BLM: variants seen among roughly 807,000 people sequenced by gnomAD.
BLM encodes BLM RecQ like helicase, also known as recQ-like DNA helicase BLM.
A neutral mutation model predicts 135.3 loss-of-function variants in BLM; 95 were observed. The ratio of observed to expected loss-of-function variants is 0.70; its 90% CI spans 0.59 to 0.83. The LOEUF (loss-of-function observed/expected upper bound fraction) is 0.83. BLM is among the 40% of genes least tolerant of loss of function. The probability of loss-of-function intolerance (pLI) is 0.00; values close to 1 mark genes in which losing one functional copy is unlikely to be tolerated. For missense variants in BLM, 1,518 were observed against 1,663.9 expected (o/e 0.91, Z 1.53); for synonymous variants, 520 against 589.2 (o/e 0.88, Z 1.70).
intron 12 of BLM, among the ~76,000 whole-genome samples, chr15:90,771,647 C>A (rs1445340691): frequency 7.0e-6 from 1 of 143,172 alleles, no homozygotes; most frequent in Non-Finnish European, 1.5e-5. Flanking sequence ...TGCCATGTTA[C>A]CCAAGCTGGT....
At chr15:90,760,331 C>CT in intron 6 of BLM, 52 bp downstream of exon 6, 1 of 1,609,922 alleles carries the variant, frequency 6.2e-7, no homozygotes, top group Non-Finnish European at 8.5e-7. Context: ...TTCTACCACT[C>CT]TAAGTGAAAA....
At position 90,798,278 on chromosome 15, in the gene BLM, T is replaced by G. The variant is rs755282763; in HGVS notation, c.3299T>G (p.Ile1100Arg). 4 of 1,612,724 alleles carry G rather than the reference T, an allele frequency of 2.5e-6. No homozygotes were observed. In the Admixed American group the frequency reaches 6.7e-5, roughly 27 times the overall value. The change falls in exon 17 of 22, where the codon ATA becomes AGA. Residue 1100 changes from isoleucine (I) to arginine (R), a missense_variant. By Grantham distance (97) the Ile-to-Arg change is moderately conservative (BLOSUM62 -3). This residue lies in a region of BLM where 626 missense variants were observed against 681.1 expected (regional missense o/e 0.92). Transcript: ENST00000355112. ...EHSSSQGMRNIKHVGPSGRFT... is the reference protein window; with the variant it reads ...EHSSSQGMRNRKHVGPSGRFT... ...AGTTCATCACAAGGAATGAGAAATA[T>G]AAAACATGTAGGTCCTTCTGGAAGA...
intron 1 of BLM, among the ~76,000 whole-genome samples, chr15:90,735,823 G>A (rs1256565725): frequency 2.0e-5 from 3 of 151,722 alleles, no homozygotes; most frequent in Non-Finnish European, 4.4e-5. Flanking sequence ...TTACAAAAAT[G>A]AAAAACACCA....
chr15:90,723,607 T>A (rs531861084), intron 1 of BLM, among the ~76,000 whole-genome samples: 1 of 152,140 alleles, frequency 6.6e-6, no homozygotes. Context: ...GAACTATGAT[T>A]GTGCCACTGC....
intron 1 of BLM, among the ~76,000 whole-genome samples, chr15:90,729,896 A>G (rs1311339461): frequency 6.6e-6 from 1 of 152,140 alleles, no homozygotes; most frequent in East Asian, 1.9e-4. Flanking sequence ...CCCAGGCTGG[A>G]GTGCAGTGGC....
In BLM at chr15:90,761,795, G is replaced by A. The variant is rs61094370; in HGVS notation, c.1882+540G>A. On this transcript the variant is annotated intron_variant, in intron 7 of 21. Transcript: ENST00000355112. Reference sequence around the variant, plus strand: ...CTGCATGCCATGTGCTATGTTGGGCGCCGATCATTTAAAGATGAATAACAA... The same window carrying A: ...CTGCATGCCATGTGCTATGTTGGGCACCGATCATTTAAAGATGAATAACAA... Among the ~76,000 whole-genome samples the A allele has an allele frequency of 4.7e-3, 712 of 152,186 alleles. 5 individuals are homozygous for A. The highest frequency in any genetic ancestry group is 0.016 in the African/African-American group (684 of 41,508).
chr15:90,761,789 T>C (rs1895994953), intron 7 of BLM, among the ~76,000 whole-genome samples: 1 of 152,184 alleles, frequency 6.6e-6, no homozygotes, highest in Non-Finnish European at 1.5e-5. Context: ...ATGTGCTATG[T>C]TGGGCGCCGA....
intron 1 of BLM, among the ~76,000 whole-genome samples, chr15:90,728,043 C>A (rs924052536): frequency 2.0e-5 from 3 of 152,144 alleles, no homozygotes; most frequent in African/African-American, 7.2e-5. Context: ...TTTCAATTTT[C>A]TTTTCTTTTT....
intron 19 of BLM, chr15:90,808,928 G>C: frequency 1.5e-6 from 1 of 645,330 alleles, no homozygotes; most frequent in Non-Finnish European, 2.7e-6. Context: ...GGCCTATGCC[G>C]CTGGAATTGG....
At chr15:90,805,783 A>AG (rs1897273623) in intron 19 of BLM, among the ~76,000 whole-genome samples, 1 of 151,364 alleles carries the variant, frequency 6.6e-6, no homozygotes, top group Non-Finnish European at 1.5e-5. Context: ...CCCCTGCCTC[A>AG]GCCTCCCAAA....
At position 90,790,763 on chromosome 15, in the gene BLM, G is replaced by C. The variant is rs1041847799; in HGVS notation, c.2938G>C (p.Ala980Pro). ...VEGYYQESGR[A>P]GRDGEISHCL... is the part of the protein sequence containing the mutation. Reference sequence around the variant, plus strand: ...GGGTTACTACCAAGAATCTGGCAGAGCTGGAAGAGATGGGGAAATATCTCA... The same window carrying C: ...GGGTTACTACCAAGAATCTGGCAGACCTGGAAGAGATGGGGAAATATCTCA... The change falls in exon 15 of 22, where the codon GCT becomes CCT. Residue 980 changes from alanine to proline, a missense_variant. This residue lies in a region of BLM where 626 missense variants were observed against 681.1 expected (regional missense o/e 0.92). Transcript: ENST00000355112. The C allele has an allele frequency of 6.2e-7, 1 of 1,614,136 alleles. No homozygotes were observed. Among genetic ancestry groups the C allele is most frequent in the Admixed American group, 1.7e-5 (1 of 60,018 alleles).
intron 17 of BLM, among the ~76,000 whole-genome samples, chr15:90,798,633 G>T (rs1897089635): frequency 6.7e-6 from 1 of 149,220 alleles, no homozygotes; most frequent in Non-Finnish European, 1.5e-5. Context: ...ATGAGGATTA[G>T]ACCCATAACA....
chr15:90,798,436 T>TA, intron 17 of BLM, 99 bp downstream of exon 17: 1 of 1,303,564 alleles, frequency 7.7e-7, no homozygotes, highest in Non-Finnish European at 1.1e-6. Flanking sequence ...TCTATTTTCT[T>TA]ATAAAACTTG....
At chr15:90,724,477 TG>T (rs977516722) in intron 1 of BLM, among the ~76,000 whole-genome samples, 2 of 152,304 alleles carry the variant, frequency 1.3e-5, no homozygotes, top group African/African-American at 4.8e-5. Context: ...TAGCAGACAC[TG>T]GGTGTCCTAC....
intron 5 of BLM, among the ~76,000 whole-genome samples, chr15:90,757,896 CTTT>C (rs373823979): frequency 6.9e-6 from 1 of 143,986 alleles, no homozygotes. Context: ...TTTTTTTCAT[CTTT>C]TTTTTTTTTT....
chr15:90,776,685 C>A (rs1221640817), intron 12 of BLM, among the ~76,000 whole-genome samples: 1 of 152,050 alleles, frequency 6.6e-6, no homozygotes, highest in Non-Finnish European at 1.5e-5. Context: ...CCATGCCTGG[C>A]TAATTTTTAT....
At chr15:90,786,822 C>G (rs565439098) in intron 14 of BLM, among the ~76,000 whole-genome samples, 35 of 152,036 alleles carry the variant, frequency 2.3e-4, no homozygotes, top group Non-Finnish European at 4.6e-4. Flanking sequence ...ACCATATTGG[C>G]CAGGCTGGTC....
At position 90,815,370 on chromosome 15, in the gene BLM, T is replaced by C; in HGVS notation, c.*91T>C. On this transcript the variant is annotated 3_prime_UTR_variant, in exon 22 of 22. Coordinates refer to ENST00000355112, the MANE Select transcript of BLM (RefSeq NM_000057.4). The surrounding 1 kb of genome is among the most constrained non-coding windows in gnomAD (Gnocchi z 4.6). ...AAAGCTGTTATTCTTGTTATACCATTTGAAGTTTTTACTCGTCTCTATTAA... is the reference window on the plus strand; with the variant it reads ...AAAGCTGTTATTCTTGTTATACCATCTGAAGTTTTTACTCGTCTCTATTAA... The C allele has an allele frequency of 7.1e-7, 1 of 1,415,884 alleles. No individual in the cohort carries two copies. The highest frequency in any genetic ancestry group is 1.4e-5 in the African/African-American group (1 of 70,268). 87.7% of individuals were successfully genotyped at this position (1,415,884 alleles called of 1,614,324 possible).
At chr15:90,800,979 C>G (rs1897151256) in intron 17 of BLM, among the ~76,000 whole-genome samples, 1 of 152,000 alleles carries the variant, frequency 6.6e-6, no homozygotes, top group Admixed American at 6.6e-5. Context: ...AAAACCTCAT[C>G]TCTACAAAAA....
Sources: allele counts gnomAD v4.1 joint callset (sites outside exome capture counted in the v4.1 genomes callset), GRCh38; gene constraint gnomAD v4.1.1; regional missense constraint gnomAD v4.1.1; non-coding constraint Gnocchi (gnomAD v3.1); transcripts MANE v1.5; gene names NCBI Gene and HGNC (gene_info 2026-07-23, HGNC 2026-07-21).